The following PRDM5 variants were observed in gnomAD, a reference collection of about 807,000 sequenced individuals.
The protein encoded by PRDM5 is PR domain zinc finger protein 5.
A neutral mutation model predicts 81.2 loss-of-function variants in PRDM5; 56 were observed. The observed-to-expected ratio is 0.69, with a 90% CI of 0.56 to 0.86. The LOEUF (loss-of-function observed/expected upper bound fraction) is 0.86. PRDM5 is among the 40% of genes least tolerant of loss of function. PRDM5 has a pLI of 0.00. For synonymous variants in PRDM5, 267 were observed against 256.4 expected (o/e 1.04, Z -0.39); for missense variants, 697 against 770.1 (o/e 0.91, Z 1.12).
intron 8 of PRDM5, among the ~76,000 whole-genome samples, chr4:120,802,692 A>T (rs1030769443): frequency 6.6e-6 from 1 of 152,228 alleles, no homozygotes; most frequent in African/African-American, 2.4e-5. Context: ...TATCCACACC[A>T]AAACCCCATC....
intron 2 of PRDM5, among the ~76,000 whole-genome samples, chr4:120,901,363 T>C (rs572048983): frequency 6.6e-6 from 1 of 152,350 alleles, no homozygotes; most frequent in Non-Finnish European, 1.5e-5. Context: ...AATTTTCTAG[T>C]AGGTTGTAAT....
chr4:120,886,900 T>C (rs527943497), intron 2 of PRDM5, among the ~76,000 whole-genome samples: 2 of 152,080 alleles, frequency 1.3e-5, no homozygotes, highest in South Asian at 4.2e-4. Context: ...CTTCCACTCA[T>C]ATAGCTTAAG....
intron 13 of PRDM5, among the ~76,000 whole-genome samples, chr4:120,776,181 T>G (rs1463186613): frequency 5.9e-5 from 9 of 152,228 alleles, no homozygotes; most frequent in Admixed American, 5.9e-4. Context: ...CTATCTGTTC[T>G]TGGTTATGTG....
intron 15 of PRDM5, among the ~76,000 whole-genome samples, chr4:120,701,183 C>T (rs1371473054): frequency 1.3e-5 from 2 of 151,552 alleles, no homozygotes; most frequent in Non-Finnish European, 2.9e-5. Flanking sequence ...ACAACAGATG[C>T]TGGTGAGGCT....
chr4:120,853,302 G>A, intron 3 of PRDM5, 116 bp downstream of exon 3: 1 of 1,469,846 alleles, frequency 6.8e-7, no homozygotes, highest in Non-Finnish European at 9.5e-7. Context: ...GCTTTTATGA[G>A]TTACTGTTAT....
chr4:120,869,249 G>A (rs970743774), intron 2 of PRDM5, among the ~76,000 whole-genome samples: 1 of 152,074 alleles, frequency 6.6e-6, no homozygotes, highest in Non-Finnish European at 1.5e-5. Flanking sequence ...ATCATTAAAT[G>A]GAATTTATTC....
intron 4 of PRDM5, among the ~76,000 whole-genome samples, chr4:120,820,946 G>A (rs764886456): frequency 6.6e-6 from 1 of 152,168 alleles, no homozygotes; most frequent in Non-Finnish European, 1.5e-5. Flanking sequence ...CCCTGCCTGC[G>A]GCCTAGGCAG....
At chr4:120,907,054 G>A (rs979363212) in intron 2 of PRDM5, among the ~76,000 whole-genome samples, 2 of 150,054 alleles carry the variant, frequency 1.3e-5, no homozygotes, top group Admixed American at 6.6e-5. Context: ...AAACATTTTG[G>A]CTGGGCACAG....
chr4:120,905,912 G>T (rs144910457), intron 2 of PRDM5, among the ~76,000 whole-genome samples: 1 of 152,094 alleles, frequency 6.6e-6, no homozygotes, highest in African/African-American at 2.4e-5. Context: ...TACATACAAT[G>T]GTGGTCTCCT....
chr4:120,805,271 T>C (rs1028232139), intron 8 of PRDM5, among the ~76,000 whole-genome samples: 2 of 152,164 alleles, frequency 1.3e-5, no homozygotes, highest in Admixed American at 1.3e-4. Context: ...CTACCAGAGG[T>C]ACAAGGAGGA....
chr4:120,684,599 G>A (rs1233085182), downstream of PRDM5, among the ~76,000 whole-genome samples: 1 of 151,684 alleles, frequency 6.6e-6, no homozygotes. Context: ...AATCACATTG[G>A]GGCACTTCTA....
chr4:120,722,565 C>T (rs1340939020), intron 14 of PRDM5, among the ~76,000 whole-genome samples: 3 of 152,202 alleles, frequency 2.0e-5, no homozygotes, highest in East Asian at 3.9e-4. Context: ...TCAAAAAATG[C>T]TGATGCCTAC....
intron 15 of PRDM5, among the ~76,000 whole-genome samples, chr4:120,709,371 C>A (rs1320570663): frequency 3.3e-5 from 5 of 152,140 alleles, no homozygotes; most frequent in Admixed American, 1.3e-4. Context: ...ACAACTGTTT[C>A]TTTCCTTAAA....
intron 3 of PRDM5, among the ~76,000 whole-genome samples, chr4:120,828,827 T>C (rs1756355510): frequency 1.3e-5 from 2 of 152,042 alleles, no homozygotes; most frequent in African/African-American, 4.8e-5. Context: ...GAAGAACACT[T>C]TATCAAGACT....
At chr4:120,788,063 C>T (rs1750023810) in intron 10 of PRDM5, among the ~76,000 whole-genome samples, 1 of 152,136 alleles carries the variant, frequency 6.6e-6, no homozygotes. Flanking sequence ...AAATTTTCTG[C>T]ATAACAATGT....
At chr4:120,775,616 T>C (rs1748038240) in intron 13 of PRDM5, among the ~76,000 whole-genome samples, 1 of 152,166 alleles carries the variant, frequency 6.6e-6, no homozygotes, top group South Asian at 2.1e-4. Context: ...TACCATAAAC[T>C]GACTATTCTG....
intron 15 of PRDM5, among the ~76,000 whole-genome samples, chr4:120,701,464 T>C (rs1395207954): frequency 6.6e-6 from 1 of 151,968 alleles, no homozygotes; most frequent in Non-Finnish European, 1.5e-5. Flanking sequence ...ATAAAGAAAA[T>C]GTGGTGCATA....
chr4:120,802,672 A>G (rs1249340367), intron 8 of PRDM5, among the ~76,000 whole-genome samples: 1 of 152,262 alleles, frequency 6.6e-6, no homozygotes, highest in Non-Finnish European at 1.5e-5. Context: ...AAACTAACAG[A>G]CAGAAAGGAT....
chr4:120,918,628 G>A (rs964260721), intron 1 of PRDM5, among the ~76,000 whole-genome samples: 7 of 136,182 alleles, frequency 5.1e-5, no homozygotes, highest in South Asian at 2.3e-4. Flanking sequence ...AAGCCTTTAC[G>A]TCAGGTATTT....
Sources: allele counts gnomAD v4.1 joint callset (sites outside exome capture counted in the v4.1 genomes callset), GRCh38; gene constraint gnomAD v4.1.1; transcripts MANE v1.5; gene names NCBI Gene and HGNC (gene_info 2026-07-23, HGNC 2026-07-21).